Variants in KCTD7 observed in about 807,000 individuals in gnomAD.
The protein encoded by KCTD7 is BTB/POZ domain-containing protein KCTD7.
KCTD7 carries 15 observed loss-of-function variants against 27.0 expected under a neutral mutation model. That is an observed-to-expected ratio of 0.56 (90% confidence interval 0.37 to 0.86). The LOEUF is 0.86. KCTD7 is among the 40% of genes least tolerant of loss of function. KCTD7 has a pLI of 0.00. For synonymous variants in KCTD7, 159 were observed against 162.7 expected, an observed-to-expected ratio of 0.98 and a Z score of 0.17; for missense variants, 299 against 398.9, an observed-to-expected ratio of 0.75 and a Z score of 2.13.
At position 66,631,095 on chromosome 7, in the gene KCTD7, G is replaced by A. The variant is rs868024673; in HGVS notation, c.144+1887G>A. On this transcript the variant is annotated intron_variant, in intron 1 of 3. Transcript: ENST00000639828. ...GAAGAGTAACAGTGCATACACACAC[G>A]GAAGTGTAACTACCTGTCTATTTCT... 4.6e-5 allele frequency among the ~76,000 whole-genome samples: 7 copies of A among 152,170 alleles called. No homozygotes were observed. The South Asian group carries it at 8.3e-4, about 18-fold the overall frequency.
chr7:66,643,165 CACA>C (rs35961913), downstream of KCTD7: 473,790 of 984,396 alleles, frequency 0.48, 115,744 homozygotes, highest in African/African-American at 0.66. Flanking sequence ...GGATGCCCCA[CACA>C]ACAAGACAGG....
chr7:66,638,183 A>C, intron 2 of KCTD7, 70 bp from the exon 3 acceptor site: 1 of 1,534,078 alleles, frequency 6.5e-7, no homozygotes, highest in Non-Finnish European at 9.0e-7. Flanking sequence ...GATTTTGTCC[A>C]ATGCACACTG....
intron 1 of KCTD7, among the ~76,000 whole-genome samples, chr7:66,630,458 T>TA (rs1018405847): frequency 5.3e-5 from 8 of 152,046 alleles, no homozygotes; most frequent in African/African-American, 1.9e-4. Context: ...GGTGAAGCAT[T>TA]ACTGGACACC....
At chr7:66,636,024 G>A (rs1024080256) in intron 2 of KCTD7, among the ~76,000 whole-genome samples, 1 of 152,218 alleles carries the variant, frequency 6.6e-6, no homozygotes, top group African/African-American at 2.4e-5. Context: ...CCAGGCAAGG[G>A]CATGGCAGAA....
chr7:66,637,867 TA>T (rs1218870979), intron 2 of KCTD7, among the ~76,000 whole-genome samples: 1 of 152,144 alleles, frequency 6.6e-6, no homozygotes, highest in African/African-American at 2.4e-5. Flanking sequence ...ATTTATTGAA[TA>T]TTTCACCTCA....
chr7:66,639,824 G>A lies in KCTD7; in HGVS notation c.*592G>A. 1 of 1,247,998 alleles carries A rather than the reference G, an allele frequency of 8.0e-7. No homozygotes were observed. Among genetic ancestry groups the A allele is most frequent in the Non-Finnish European group, 1.0e-6 (1 of 997,056 alleles). 77.3% of individuals were successfully genotyped at this position (1,247,998 alleles called of 1,614,324 possible). A position where few individuals can be genotyped will look rare whatever the true frequency, so the allele number is the denominator to read the frequency against. ...GACTTTTCTTTTCCTTCCGGAACAT[G>A]TTCTTCACCACCTTTTGGAGATTTA... On this transcript the variant is annotated 3_prime_UTR_variant, in exon 4 of 4. Transcript: ENST00000639828.
In KCTD7 at chr7:66,639,222, CATG is replaced by C. The variant is rs2116775918; in HGVS notation, c.861_863del (p.Trp288del). 1 of 1,612,300 alleles carries C rather than the reference CATG, an allele frequency of 6.2e-7. No individual in the cohort carries two copies. Among genetic ancestry groups the C allele is most frequent in the South Asian group, 1.1e-5 (1 of 91,084 alleles). ...CGCCCCATCTATGAGTTCAAGATCA[CATG>C]GTGGTGAGTAGCCCCGGTAGGCGAG... On this transcript the variant is annotated inframe_deletion, in exon 4 of 4. Transcript: ENST00000639828.
intron 1 of KCTD7, among the ~76,000 whole-genome samples, chr7:66,631,143 G>T (rs750284378): frequency 6.6e-6 from 1 of 152,074 alleles, no homozygotes; most frequent in Non-Finnish European, 1.5e-5. Context: ...GTGAATTTTG[G>T]GTCTTTATTT....
At chr7:66,634,269 T>G (rs1786534521) in intron 2 of KCTD7, among the ~76,000 whole-genome samples, 2 of 151,736 alleles carry the variant, frequency 1.3e-5, no homozygotes, top group African/African-American at 4.8e-5. Flanking sequence ...CCCAGACTGG[T>G]CTCAAGCTCC....
rs776871737 is a variant in KCTD7 at position 66,629,157 on chromosome 7, C to T, written c.93C>T (p.Ala31=). The change falls in exon 1 of 4, where the codon GCC becomes GCT. Residue 31 remains alanine (A), a synonymous_variant. Transcript: ENST00000639828. ...SDAEDDFLEP[A]TPTATQAGHA... Reference sequence around the variant, plus strand: ...CCGAAGACGACTTTCTGGAGCCGGCCACGCCGACGGCCACGCAGGCGGGGC... The same window carrying T: ...CCGAAGACGACTTTCTGGAGCCGGCTACGCCGACGGCCACGCAGGCGGGGC... 6 of 1,526,412 alleles carry T rather than the reference C, an allele frequency of 3.9e-6. 1 individual carries two copies. In the South Asian group the frequency reaches 6.1e-5, roughly 16 times the overall value. 94.6% of individuals were successfully genotyped at this position (1,526,412 alleles called of 1,614,324 possible).
At position 66,641,145 on chromosome 7, in the gene KCTD7, C is replaced by G. The variant is rs1786705668; in HGVS notation, c.*1913C>G. The stretch of plus-strand genomic sequence containing the variant: ...ATTCACGTTCTGAGATATGCGCTCT[C>G]TCTATTGTTCTCGTACACAAAGGGA... On this transcript the variant is annotated 3_prime_UTR_variant, in exon 4 of 4. Transcript: ENST00000639828. 4.1e-6 allele frequency: 4 copies of G among 985,300 alleles called. No individual in the cohort carries two copies. The highest frequency in any genetic ancestry group is 4.8e-6 in the Non-Finnish European group (4 of 829,962). 61.0% of individuals were successfully genotyped at this position (985,300 alleles called of 1,614,324 possible). A position where few individuals can be genotyped will look rare whatever the true frequency, so the allele number is the denominator to read the frequency against.
Position 66,640,156 on chromosome 7 carries a change from C to T in KCTD7, c.*924C>T. ...TGGTGAACCTCTTTGGAAGGGGACCCCCTCTCTTTAAACCCTGTTCCTCTG... is the reference window on the plus strand; with the variant it reads ...TGGTGAACCTCTTTGGAAGGGGACCTCCTCTCTTTAAACCCTGTTCCTCTG... On this transcript the variant is annotated 3_prime_UTR_variant, in exon 4 of 4. Transcript: ENST00000639828. 1.5e-6 allele frequency: 2 copies of T among 1,362,910 alleles called. No homozygotes were observed. Among genetic ancestry groups the T allele is most frequent in the Non-Finnish European group, 1.9e-6 (2 of 1,064,348 alleles). 84.4% of individuals were successfully genotyped at this position (1,362,910 alleles called of 1,614,324 possible).
rs745356728 is a variant in KCTD7 at position 66,641,731 on chromosome 7, T to C, written c.*2499T>C. 7.4e-5 allele frequency: 73 copies of C among 985,326 alleles called. No homozygotes were observed. The highest frequency in any genetic ancestry group is 8.8e-5 in the Non-Finnish European group (73 of 829,948). The allele number at this position is 985,326 out of a possible 1,614,324, so 61.0% of individuals were successfully genotyped here. ...AATGGAGTGAAGGAATTCAGTGGCC[T>C]AGTTTCGCCATTCTCTAATGAGAAA... On this transcript the variant is annotated 3_prime_UTR_variant, in exon 4 of 4. Coordinates refer to ENST00000639828, the MANE Select transcript of KCTD7 (RefSeq NM_153033.5).
At chr7:66,631,957 T>G (rs1000188320) in intron 1 of KCTD7, among the ~76,000 whole-genome samples, 1 of 152,170 alleles carries the variant, frequency 6.6e-6, no homozygotes, top group Non-Finnish European at 1.5e-5. Context: ...GCTTGGGGTC[T>G]AGTGGAGTGA....
At chr7:66,637,828 C>T (rs1360916213) in intron 2 of KCTD7, among the ~76,000 whole-genome samples, 1 of 151,998 alleles carries the variant, frequency 6.6e-6, no homozygotes, top group Non-Finnish European at 1.5e-5. Flanking sequence ...CTTAAAAAAA[C>T]AACTGAACTG....
At position 66,629,010 on chromosome 7, in the gene KCTD7, C is replaced by A; in HGVS notation, c.-55C>A. ...GCGCTGCTCGGCGGTAGGGAGTGCC[C>A]GGGGCCGCCGCCTCCGCCCGCCCGA... On this transcript the variant is annotated 5_prime_UTR_variant, in exon 1 of 4. Transcript: ENST00000639828. 6.8e-7 allele frequency: 1 copy of A among 1,469,138 alleles called. No homozygotes were observed. The highest frequency in any genetic ancestry group is 3.1e-5 in the East Asian group (1 of 32,638). 91.0% of individuals were successfully genotyped at this position (1,469,138 alleles called of 1,614,324 possible).
chr7:66,633,884 A>G (rs894754375), intron 2 of KCTD7, among the ~76,000 whole-genome samples: 76 of 151,814 alleles, frequency 5.0e-4, no homozygotes, highest in African/African-American at 1.7e-3. Flanking sequence ...GCTACTCAGG[A>G]AGCTGAGGTC....
chr7:66,633,936 C>T (rs1005967357), intron 2 of KCTD7, among the ~76,000 whole-genome samples: 13 of 151,824 alleles, frequency 8.6e-5, no homozygotes, highest in Non-Finnish European at 1.8e-4. Flanking sequence ...TGCAGTGACC[C>T]GAGATCACGC....
intron 1 of KCTD7, among the ~76,000 whole-genome samples, chr7:66,630,192 TGGA>T (rs766967734): frequency 6.6e-6 from 1 of 152,054 alleles, no homozygotes; most frequent in Non-Finnish European, 1.5e-5. Context: ...GCTTGAGCCC[TGGA>T]GGTTGAGGCT....
Sources: gnomAD v4.1 joint callset for allele counts (sites outside exome capture counted in the v4.1 genomes callset) on GRCh38, gnomAD v4.1.1 for gene constraint, MANE v1.5 for transcripts, NCBI Gene and HGNC (gene_info 2026-07-23, HGNC 2026-07-21) for gene names.